The following MRPL3 variants were observed in gnomAD, a reference collection of about 807,000 sequenced individuals.
The protein encoded by MRPL3 is large ribosomal subunit protein uL3m.
A neutral mutation model predicts 44.3 loss-of-function variants in MRPL3; 43 were observed. That is an observed-to-expected ratio of 0.97 (90% CI 0.76 to 1.25). MRPL3 has a LOEUF of 1.25. MRPL3 is among the 50% of genes most tolerant of loss of function. The pLI, the probability that MRPL3 is intolerant of heterozygous loss-of-function variation, is 0.00. For synonymous variants in MRPL3, 171 were observed against 152.3 expected (o/e 1.12, Z -0.91); for missense variants, 406 against 427.6 (o/e 0.95, Z 0.45).
intron 5 of MRPL3, among the ~76,000 whole-genome samples, chr3:131,489,392 A>C (rs1934198938): frequency 6.6e-6 from 1 of 152,106 alleles, no homozygotes; most frequent in Admixed American, 6.6e-5. Flanking sequence ...TTAAATACCA[A>C]ATCTTAAAGC....
chr3:131,470,400 T>C (rs747859031), intron 7 of MRPL3, among the ~76,000 whole-genome samples: 7 of 152,128 alleles, frequency 4.6e-5, no homozygotes, highest in Non-Finnish European at 8.8e-5. Flanking sequence ...TTATAACACA[T>C]GAATTCTCAC....
At position 131,468,157 on chromosome 3, in the gene MRPL3, T is replaced by C. The variant is rs747905975; in HGVS notation, c.828A>G (p.Ile276Met). 5 of 1,587,342 alleles carry C rather than the reference T, an allele frequency of 3.1e-6. No individual in the cohort carries two copies. In the Admixed American group the frequency reaches 5.5e-5, roughly 17 times the overall value. The change falls in exon 9 of 10, where the codon ATA becomes ATG. Residue 276 changes from isoleucine to methionine, a missense_variant. Coordinates refer to ENST00000264995, the MANE Select transcript of MRPL3 (RefSeq NM_007208.4). ...RTEYGLKVWR[I>M]NTKHNIIYVN... is the part of the protein sequence containing the mutation. ...CATAGATTATGTTGTGCTTTGTGTTTATTCTCCACACCTAAAGCATGAAAT... is the reference window on the plus strand; with the variant it reads ...CATAGATTATGTTGTGCTTTGTGTTCATTCTCCACACCTAAAGCATGAAAT...
In MRPL3 at chr3:131,487,713, C is replaced by T. The variant is rs143919720; in HGVS notation, c.596G>A (p.Arg199His). ...PGTPLYAAHF[R>H]PGQYVDVTAK... is the part of the protein sequence containing the mutation. ...TGTGACATCCACATACTGTCCTGGACGAAAGTGAGCAGCATAAAGAGGAGT... is the reference window on the plus strand; with the variant it reads ...TGTGACATCCACATACTGTCCTGGATGAAAGTGAGCAGCATAAAGAGGAGT... Residue 199 changes from arginine (R) to histidine (H), a missense_variant, in exon 6 of 10, where the codon CGT becomes CAT. Transcript: ENST00000264995. The T allele has an allele frequency of 5.4e-5, 87 of 1,611,042 alleles. No individual in the cohort carries two copies. The highest frequency in any genetic ancestry group is 3.3e-4 in the Middle Eastern group (2 of 6,028).
intron 6 of MRPL3, among the ~76,000 whole-genome samples, chr3:131,472,953 G>T (rs1387274578): frequency 6.6e-6 from 1 of 152,094 alleles, no homozygotes; most frequent in Non-Finnish European, 1.5e-5. Flanking sequence ...TGCTGTTCAT[G>T]AACTGGAAGA....
chr3:131,483,102 C>A (rs1050441690), intron 6 of MRPL3, among the ~76,000 whole-genome samples: 2 of 151,674 alleles, frequency 1.3e-5, no homozygotes, highest in African/African-American at 4.8e-5. Context: ...AGCTTACTCA[C>A]TATTTATACA....
At position 131,501,513 on chromosome 3, in the gene MRPL3, C is replaced by T. The variant is rs149518238; in HGVS notation, c.277+18G>A. 3.6e-3 allele frequency: 5,746 copies of T among 1,599,510 alleles called. 19 individuals are homozygous for T. Among genetic ancestry groups the T allele is most frequent in the Middle Eastern group, 0.013 (58 of 4,386 alleles). ...CAGTAATTAGGAAATGAGAGCTCAT[C>T]AAATACAAAATAATCACCTGGTTCC... On this transcript the variant is annotated intron_variant, in intron 2 of 9. Transcript: ENST00000264995.
At chr3:131,487,362 T>C (rs1934149992) in intron 6 of MRPL3, 2 of 225,692 alleles carry the variant, frequency 8.9e-6, no homozygotes, top group Admixed American at 5.7e-5. Context: ...GACGAGTTGA[T>C]GGGTGCAGCA....
chr3:131,502,592 T>C (rs1429115128), intron 1 of MRPL3, 138 bp downstream of exon 1: 1 of 680,354 alleles, frequency 1.5e-6, no homozygotes, highest in Non-Finnish European at 2.4e-6. Flanking sequence ...TTCCTTAGGT[T>C]AACGGCCCTT....
intron 6 of MRPL3, among the ~76,000 whole-genome samples, chr3:131,475,279 T>C (rs1055870139): frequency 6.6e-6 from 1 of 152,230 alleles, no homozygotes; most frequent in Non-Finnish European, 1.5e-5. Context: ...GACTTTGCTA[T>C]GCATTCAGCA....
At chr3:131,498,095 G>T in intron 4 of MRPL3, 84 bp downstream of exon 4, 1 of 998,174 alleles carries the variant, frequency 1.0e-6, no homozygotes, top group Non-Finnish European at 1.6e-6. Flanking sequence ...GTTTGTGGCT[G>T]TGGAACAATC....
Position 131,502,915 on chromosome 3 carries a change from G to A in MRPL3, c.-94C>T, listed in dbSNP as rs1472569014. ...ACGCCACCGCCACGTGGACGCAGTA[G>A]CCGTGGGGAAGTTTTCGCAATGGCC... is the stretch of plus-strand genomic sequence containing the variant. On this transcript the variant is annotated 5_prime_UTR_variant, in exon 1 of 10. Transcript: ENST00000264995. 3 of 1,224,350 alleles carry A rather than the reference G, an allele frequency of 2.5e-6. No individual in the cohort carries two copies. Among genetic ancestry groups the A allele is most frequent in the Admixed American group, 3.9e-5 (2 of 50,794 alleles). 75.8% of individuals were successfully genotyped at this position (1,224,350 alleles called of 1,614,324 possible). A position where few individuals can be genotyped will look rare whatever the true frequency, so the allele number is the denominator to read the frequency against.
intron 6 of MRPL3, among the ~76,000 whole-genome samples, chr3:131,484,518 C>G (rs956354889): frequency 6.6e-6 from 1 of 151,830 alleles, no homozygotes; most frequent in South Asian, 2.1e-4. Context: ...GATTAATATC[C>G]AGAAGATAGA....
intron 5 of MRPL3, among the ~76,000 whole-genome samples, chr3:131,488,480 A>G (rs1934179374): frequency 6.6e-6 from 1 of 152,146 alleles, no homozygotes. Context: ...AGTAACATTT[A>G]TAAGAACTAT....
In MRPL3 at chr3:131,469,680, C is replaced by G; in HGVS notation, c.816+16G>C. The G allele has an allele frequency of 6.3e-7, 1 of 1,578,712 alleles. No individual in the cohort carries two copies. Among genetic ancestry groups the G allele is most frequent in the African/African-American group, 1.4e-5 (1 of 73,754 alleles). On this transcript the variant is annotated intron_variant, in intron 8 of 9. Coordinates refer to ENST00000264995, the MANE Select transcript of MRPL3 (RefSeq NM_007208.4). Reference sequence around the variant, plus strand: ...CAATTTAGCTGTTCCTAAAAAGAACCACTTGTAACACTTACTTTCAGTCCA... The same window carrying G: ...CAATTTAGCTGTTCCTAAAAAGAACGACTTGTAACACTTACTTTCAGTCCA...
At chr3:131,480,437 G>A (rs1353167838) in intron 6 of MRPL3, among the ~76,000 whole-genome samples, 2 of 152,196 alleles carry the variant, frequency 1.3e-5, no homozygotes, top group Non-Finnish European at 2.9e-5. Flanking sequence ...ATTTGTGACA[G>A]CATGACCTGA....
At chr3:131,479,703 G>T (rs141643922) in intron 6 of MRPL3, among the ~76,000 whole-genome samples, 5,819 of 152,216 alleles carry the variant, frequency 0.038, 372 homozygotes, top group African/African-American at 0.13. Flanking sequence ...AAAATAGCCA[G>T]GCGTGGTGGC....
Position 131,483,932 on chromosome 3 carries a change from C to T in MRPL3, c.629+3748G>A, listed in dbSNP as rs546671724. On this transcript the variant is annotated intron_variant, in intron 6 of 9. Transcript: ENST00000264995. ...TAAGTGAAGATTGATAATTAAAATA[C>T]ATTACAGCATGAGAAAAATTAAGAA... is the stretch of plus-strand genomic sequence containing the variant. 4.6e-5 allele frequency among the ~76,000 whole-genome samples: 7 copies of T among 152,158 alleles called. No individual in the cohort carries two copies. The South Asian group carries it at 1.5e-3, about 32-fold the overall frequency.
At chr3:131,471,982 A>G (rs530370587) in intron 6 of MRPL3, among the ~76,000 whole-genome samples, 38 of 152,290 alleles carry the variant, frequency 2.5e-4, no homozygotes, top group South Asian at 8.3e-4. Flanking sequence ...ATTCTCCCCA[A>G]TTAGAACCTT....
chr3:131,498,693 C>G (rs1436550132), intron 3 of MRPL3, among the ~76,000 whole-genome samples: 1 of 104,062 alleles, frequency 9.6e-6, no homozygotes, highest in Non-Finnish European at 1.9e-5. Context: ...CAGAGCAAGA[C>G]TCCGTCTCAA....
Sources: gnomAD v4.1 joint callset for allele counts (sites outside exome capture counted in the v4.1 genomes callset) on GRCh38, gnomAD v4.1.1 for gene constraint, MANE v1.5 for transcripts, NCBI Gene and HGNC (gene_info 2026-07-23, HGNC 2026-07-21) for gene names.